The following LMF1 variants were observed in gnomAD, a reference collection of about 807,000 sequenced individuals.
LMF1 encodes the protein transmembrane protein 112.
Under a neutral mutation model 60.6 loss-of-function variants are expected in LMF1, and 68 were observed. The ratio of observed to expected loss-of-function variants is 1.12; its 90% confidence interval spans 0.92 to 1.37. The LOEUF (loss-of-function observed/expected upper bound fraction) is 1.37. Ranked by LOEUF, LMF1 falls within the 40% of genes most tolerant of loss-of-function variation. LMF1 has a pLI of 0.00. For synonymous variants in LMF1, 418 were observed against 324.7 expected (o/e 1.29, Z -3.09); for missense variants, 948 against 767.2 (o/e 1.24, Z -2.78).
At chr16:977,135 G>T (rs756235678) in intron 1 of LMF1, 1 of 453,420 alleles carries the variant, frequency 2.2e-6, no homozygotes, top group South Asian at 1.6e-5. Flanking sequence ...GTTTTCCACT[G>T]CCCTGTGAGC....
intron 2 of LMF1, among the ~76,000 whole-genome samples, chr16:950,441 C>T (rs200683530): frequency 0.2 from 14,337 of 71,144 alleles, 1,251 homozygotes; most frequent in African/African-American, 0.34. Context: ...TTAGAGACAA[C>T]GACAGAGTCA....
At chr16:899,746 G>A (rs986891747) in intron 4 of LMF1, 1 of 152,268 alleles carries the variant, frequency 6.6e-6, no homozygotes, top group Non-Finnish European at 1.5e-5. Flanking sequence ...GCTCGGGGGT[G>A]AAGCATGCTC....
chr16:927,588 C>T (rs926803502), intron 3 of LMF1, among the ~76,000 whole-genome samples: 1 of 152,170 alleles, frequency 6.6e-6, no homozygotes, highest in East Asian at 1.9e-4. Flanking sequence ...ACCCTGGGAG[C>T]TGGGAAGGGG....
At chr16:873,535 T>A (rs927277610) in intron 6 of LMF1, 2 of 151,848 alleles carry the variant, frequency 1.3e-5, no homozygotes, top group Non-Finnish European at 2.9e-5. Context: ...GCCTGTCAGC[T>A]GCCACGGAGA....
intron 2 of LMF1, among the ~76,000 whole-genome samples, chr16:936,481 T>A (rs1410426922): frequency 5.5e-4 from 50 of 90,178 alleles, no homozygotes; most frequent in South Asian, 2.1e-3. Flanking sequence ...CTGAGGAAGG[T>A]GGCTGGGAGA....
chr16:871,263 C>A lies in LMF1; in HGVS notation c.976G>T (p.Ala326Ser). The stretch of plus-strand genomic sequence containing the variant: ...GAGGGGAACAAGAATCCCAGGGTGG[C>A]GTCATCAAAGCAGGCCAGGCTGGGC... ...MVPSLACFDD[A>S]TLGFLFPSGP... The change falls in exon 7 of 11, where the codon GCC (alanine) becomes TCC (serine). Residue 326 changes from alanine to serine, a missense_variant. Physicochemically the swap from Ala to Ser is moderately conservative, Grantham distance 99. Coordinates refer to ENST00000262301, the MANE Select transcript of LMF1 (RefSeq NM_022773.4). 1 of 1,612,532 alleles carries A rather than the reference C, an allele frequency of 6.2e-7. No homozygotes were observed. The highest frequency in any genetic ancestry group is 1.7e-5 in the Admixed American group (1 of 60,012).
chr16:977,469 T>C (rs912356274), intron 1 of LMF1, among the ~76,000 whole-genome samples: 1 of 152,108 alleles, frequency 6.6e-6, no homozygotes, highest in African/African-American at 2.4e-5. Flanking sequence ...AGACCAGCCG[T>C]CATTAAAAGC....
At chr16:893,386 T>TA (rs1220451241) in intron 4 of LMF1, 1 of 497,736 alleles carries the variant, frequency 2.0e-6, no homozygotes. Context: ...TGCGTGTCTT[T>TA]AAAGAGGACA....
chr16:972,194 G>C (rs553718094), upstream of LMF1, among the ~76,000 whole-genome samples: 1 of 152,318 alleles, frequency 6.6e-6, no homozygotes, highest in East Asian at 1.9e-4. Flanking sequence ...CTGTGTTGCT[G>C]GGGCCGTAGC....
chr16:899,102 G>C (rs897866963), intron 4 of LMF1: 2 of 152,262 alleles, frequency 1.3e-5, no homozygotes, highest in Non-Finnish European at 2.9e-5. Context: ...TGTCCCAGGG[G>C]CTGTGTGACG....
intron 5 of LMF1, among the ~76,000 whole-genome samples, chr16:891,483 G>A (rs1213726287): frequency 1.3e-5 from 2 of 152,244 alleles, no homozygotes; most frequent in Non-Finnish European, 2.9e-5. Context: ...CGCAGCCTTC[G>A]TGGACCTGAG....
chr16:893,768 G>A (rs1204506068), intron 4 of LMF1, among the ~76,000 whole-genome samples: 2 of 152,054 alleles, frequency 1.3e-5, no homozygotes, highest in East Asian at 1.9e-4. Context: ...GGTCACTCCC[G>A]GCTTCAGATG....
At chr16:867,927 C>T (rs987712274) in intron 10 of LMF1, among the ~76,000 whole-genome samples, 12 of 152,158 alleles carry the variant, frequency 7.9e-5, no homozygotes, top group Non-Finnish European at 1.5e-4. Context: ...GGCTCCTTGG[C>T]TGGGGTCTCC....
In LMF1 at chr16:870,811, G is replaced by A. The variant is rs1182549623; in HGVS notation, c.1150C>T (p.Leu384Phe). The change falls in exon 8 of 11, where the codon CTC becomes TTC. Residue 384 changes from leucine to phenylalanine, a missense_variant. Leu to Phe is a conservative substitution (Grantham distance 22). Transcript: ENST00000262301. ...ACCTGCCTGGAGCTCAGCAAGTTGA[G>A]GACCACGGGCACGCTGAGCCAGGCC... ...LLAWLSVPVV[L>F]NLLSSRQVMN... is the part of the protein sequence containing the mutation. 3 of 1,612,626 alleles carry A rather than the reference G, an allele frequency of 1.9e-6. No homozygotes were observed. The highest frequency in any genetic ancestry group is 1.7e-5 in the Admixed American group (1 of 60,004).
At chr16:927,156 A>G (rs2071633775) in intron 3 of LMF1, among the ~76,000 whole-genome samples, 1 of 152,232 alleles carries the variant, frequency 6.6e-6, no homozygotes, top group African/African-American at 2.4e-5. Context: ...GAAGTGGCAG[A>G]AGCTGCTCAA....
At chr16:947,017 G>C (rs891532792) in intron 2 of LMF1, among the ~76,000 whole-genome samples, 2 of 152,224 alleles carry the variant, frequency 1.3e-5, no homozygotes, top group African/African-American at 4.8e-5. Flanking sequence ...TCACAGGCAG[G>C]ACTGAGTGCT....
intron 3 of LMF1, among the ~76,000 whole-genome samples, chr16:911,540 G>T (rs1302641368): frequency 2.0e-5 from 2 of 99,552 alleles, no homozygotes; most frequent in African/African-American, 4.6e-5. Context: ...CACTGGGGGG[G>T]CAGCACTGGG....
intron 10 of LMF1, among the ~76,000 whole-genome samples, chr16:862,837 G>A (rs181678239): frequency 6.8e-6 from 1 of 146,206 alleles, no homozygotes; most frequent in Non-Finnish European, 1.5e-5. Flanking sequence ...CAGCCTGGGT[G>A]ACAGAGAGTG....
intron 3 of LMF1, among the ~76,000 whole-genome samples, chr16:929,366 C>A (rs1045586338): frequency 1.3e-5 from 2 of 152,208 alleles, no homozygotes; most frequent in African/African-American, 4.8e-5. Context: ...CGCTGGAGGA[C>A]AGGGTCCACA....
Sources: gnomAD v4.1 joint callset for allele counts (sites outside exome capture counted in the v4.1 genomes callset) on GRCh38, gnomAD v4.1.1 for gene constraint, MANE v1.5 for transcripts, NCBI Gene and HGNC (gene_info 2026-07-23, HGNC 2026-07-21) for gene names.